ADAMTS18: variants seen among roughly 807,000 people sequenced by gnomAD.
ADAMTS18 encodes ADAM metallopeptidase with thrombospondin type 1 motif 18.
A neutral mutation model predicts 165.9 loss-of-function variants in ADAMTS18; 157 were observed. That is an observed-to-expected ratio of 0.95 (90% CI 0.83 to 1.08). ADAMTS18 has a LOEUF of 1.08. Among genes scored for constraint, ADAMTS18 ranks in the 50% least tolerant of loss-of-function variants. ADAMTS18 has a pLI of 0.00. For missense variants in ADAMTS18, 2,040 were observed against 1,534.0 expected (o/e 1.33, Z -5.51); for synonymous variants, 782 against 578.2 (o/e 1.35, Z -5.06).
rs896189539 is a variant in ADAMTS18, at chr16:77,331,398, CAACTT to C, written c.1859+4353_1859+4357del. ...AAGTAATATGATGATTTTAACAACT[CAACTT>C]AAGACATGGCTGCATTCAAAGTATC... On this transcript the variant is annotated intron_variant, in intron 12 of 22. Transcript: ENST00000282849. Among the ~76,000 whole-genome samples, 9 of 152,272 alleles carry C rather than the reference CAACTT, an allele frequency of 5.9e-5. No homozygotes were observed. In the South Asian group the frequency reaches 8.3e-4, roughly 14 times the overall value.
intron 2 of ADAMTS18, among the ~76,000 whole-genome samples, chr16:77,432,154 C>A (rs2144869980): frequency 6.6e-6 from 1 of 152,292 alleles, no homozygotes; most frequent in Admixed American, 6.5e-5. Flanking sequence ...AGATCATTAA[C>A]AAGCAACAGC....
In ADAMTS18 at chr16:77,375,890, C is replaced by CTTTTTTTT. The variant is rs200629744; in HGVS notation, c.496-8175_496-8168dup. Among the ~76,000 whole-genome samples the CTTTTTTTT allele has an allele frequency of 3.7e-3, 349 of 93,844 alleles. 8 individuals are homozygous for CTTTTTTTT. Among genetic ancestry groups the CTTTTTTTT allele is most frequent in the Non-Finnish European group, 6.0e-3 (288 of 48,304 alleles). 61.6% of individuals were successfully genotyped at this position (93,844 alleles called of 152,430 possible). The stretch of plus-strand genomic sequence containing the variant: ...TTTTATGTCGTTTTTTCTTTCTTTC[C>CTTTTTTTT]TTTTTTTTTTTTTTTTTTTTTTTTT... On this transcript the variant is annotated intron_variant, in intron 3 of 22. Coordinates refer to ENST00000282849, the MANE Select transcript of ADAMTS18 (RefSeq NM_199355.4).
chr16:77,406,051 A>G (rs4888628), intron 3 of ADAMTS18, among the ~76,000 whole-genome samples: 30,690 of 152,182 alleles, frequency 0.2, 3,540 homozygotes, highest in Non-Finnish European at 0.27. Context: ...TTGATACCCA[A>G]ACCTGACAAG....
At chr16:77,408,302 G>A (rs574500993) in intron 3 of ADAMTS18, among the ~76,000 whole-genome samples, 62 of 152,098 alleles carry the variant, frequency 4.1e-4, no homozygotes, top group Non-Finnish European at 7.9e-4. Flanking sequence ...ATTTTCTACC[G>A]AAGCTGAATT....
At chr16:77,314,325 A>G (rs1178774497) in intron 16 of ADAMTS18, among the ~76,000 whole-genome samples, 1 of 152,082 alleles carries the variant, frequency 6.6e-6, no homozygotes, top group Non-Finnish European at 1.5e-5. Flanking sequence ...TTAATATTAT[A>G]CATGGCTGGG....
At chr16:77,424,294 C>A (rs952170283) in intron 3 of ADAMTS18, among the ~76,000 whole-genome samples, 2 of 152,114 alleles carry the variant, frequency 1.3e-5, no homozygotes, top group Non-Finnish European at 1.5e-5. Flanking sequence ...CATGGAGAAA[C>A]CCCATTTCAA....
At chr16:77,295,997 GA>G (rs950395149) in intron 18 of ADAMTS18, among the ~76,000 whole-genome samples, 39 of 123,506 alleles carry the variant, frequency 3.2e-4, no homozygotes, top group South Asian at 5.5e-4. Flanking sequence ...TTATTTACAA[GA>G]AAAAAAAAAG....
At chr16:77,406,725 G>A (rs939241100) in intron 3 of ADAMTS18, among the ~76,000 whole-genome samples, 1 of 151,966 alleles carries the variant, frequency 6.6e-6, no homozygotes, top group Non-Finnish European at 1.5e-5. Flanking sequence ...CCCATCAATA[G>A]TGAACTGGAC....
intron 3 of ADAMTS18, among the ~76,000 whole-genome samples, chr16:77,382,070 C>A (rs867560437): frequency 6.6e-6 from 1 of 152,292 alleles, no homozygotes; most frequent in South Asian, 2.1e-4. Flanking sequence ...TGCCTTGCAA[C>A]AGCCGCGCCA....
At chr16:77,305,813 T>A (rs1290425422) in intron 16 of ADAMTS18, among the ~76,000 whole-genome samples, 1 of 152,026 alleles carries the variant, frequency 6.6e-6, no homozygotes, top group Non-Finnish European at 1.5e-5. Context: ...CCTGGAGAGG[T>A]GTGCATAGAA....
At chr16:77,359,708 A>T (rs953096678) in intron 7 of ADAMTS18, among the ~76,000 whole-genome samples, 2 of 152,266 alleles carry the variant, frequency 1.3e-5, no homozygotes, top group African/African-American at 2.4e-5. Context: ...CCCATTTTAC[A>T]TTTAGTTTAG....
chr16:77,415,991 G>T (rs1425490219), intron 3 of ADAMTS18, among the ~76,000 whole-genome samples: 1 of 152,144 alleles, frequency 6.6e-6, no homozygotes, highest in Non-Finnish European at 1.5e-5. Context: ...TAAAGCCTCA[G>T]CCCTCATGGA....
At chr16:77,295,649 A>G (rs957136133) in intron 18 of ADAMTS18, among the ~76,000 whole-genome samples, 3 of 152,184 alleles carry the variant, frequency 2.0e-5, no homozygotes, top group Non-Finnish European at 2.9e-5. Flanking sequence ...TGTGCAGGAG[A>G]GAGGGGTACA....
rs77924411 is a variant in ADAMTS18, at chr16:77,422,321, C to T, written c.495+8974G>A. On this transcript the variant is annotated intron_variant, in intron 3 of 22. Coordinates refer to ENST00000282849, the MANE Select transcript of ADAMTS18 (RefSeq NM_199355.4). ...GTGGAGTTATTGCTGAATAAGTCAC[C>T]GCAGATGCCAGGTACCCAAGGAAGT... is the stretch of plus-strand genomic sequence containing the variant. 4.2e-3 allele frequency among the ~76,000 whole-genome samples: 638 copies of T among 151,850 alleles called. 6 individuals are homozygous for T. The highest frequency in any genetic ancestry group is 0.014 in the African/African-American group (587 of 41,368).
chr16:77,381,350 A>C (rs980184447), intron 3 of ADAMTS18, among the ~76,000 whole-genome samples: 3 of 152,204 alleles, frequency 2.0e-5, no homozygotes, highest in Non-Finnish European at 4.4e-5. Context: ...TGACTCTTTA[A>C]CAACAAACCA....
chr16:77,394,775 G>A (rs961923996), intron 3 of ADAMTS18, among the ~76,000 whole-genome samples: 31 of 152,142 alleles, frequency 2.0e-4, no homozygotes, highest in African/African-American at 6.5e-4. Flanking sequence ...AACTATAACT[G>A]ATAAACATTA....
At chr16:77,295,177 A>G (rs1169829671) in intron 18 of ADAMTS18, 50 bp from the exon 19 acceptor site, 15 of 1,599,358 alleles carry the variant, frequency 9.4e-6, no homozygotes, top group African/African-American at 1.3e-5. Flanking sequence ...TTGTATGATA[A>G]CTTCCAAAGC....
intron 3 of ADAMTS18, among the ~76,000 whole-genome samples, chr16:77,397,856 A>G (rs2057278303): frequency 6.6e-6 from 1 of 152,168 alleles, no homozygotes; most frequent in African/African-American, 2.4e-5. Flanking sequence ...CACCTTCCCT[A>G]CTGAGATGTA....
intron 22 of ADAMTS18, among the ~76,000 whole-genome samples, chr16:77,288,214 C>T (rs2055292653): frequency 6.6e-6 from 1 of 152,092 alleles, no homozygotes; most frequent in African/African-American, 2.4e-5. Context: ...TGGGCAATTT[C>T]ATAATTGGTC....
Sources: allele counts gnomAD v4.1 joint callset (sites outside exome capture counted in the v4.1 genomes callset), GRCh38; gene constraint gnomAD v4.1.1; transcripts MANE v1.5; gene names NCBI Gene and HGNC (gene_info 2026-07-23, HGNC 2026-07-21).